Variants in CDK5RAP2 observed in about 807,000 individuals in gnomAD.
CDK5RAP2 encodes CDK5 regulatory subunit associated protein 2, also known as CDK5 regulatory subunit-associated protein 2.
Under a neutral mutation model 232.9 loss-of-function variants are expected in CDK5RAP2, and 147 were observed. The ratio of observed to expected loss-of-function variants is 0.63; its 90% confidence interval spans 0.55 to 0.72. The LOEUF (loss-of-function observed/expected upper bound fraction) is 0.72, where lower values mean the gene tolerates loss of function less well. CDK5RAP2 is among the 30% of genes least tolerant of loss of function. The probability of loss-of-function intolerance (pLI) is 0.00; values close to 1 mark genes in which losing one functional copy is unlikely to be tolerated. For missense variants in CDK5RAP2, 2,195 were observed against 2,231.5 expected, an observed-to-expected ratio of 0.98 and a Z score of 0.33; for synonymous variants, 833 against 833.7, an observed-to-expected ratio of 1.00 and a Z score of 0.01.
chr9:120,571,812 G>A, intron 2 of CDK5RAP2, 162 bp downstream of exon 2: 3 of 682,752 alleles, frequency 4.4e-6, no homozygotes. Flanking sequence ...ATGAAAGGAG[G>A]TGGAAAGCAA....
chr9:120,425,863 C>T (rs1343236344), intron 25 of CDK5RAP2, among the ~76,000 whole-genome samples: 1 of 152,244 alleles, frequency 6.6e-6, no homozygotes, highest in Non-Finnish European at 1.5e-5. Flanking sequence ...CCACCCTATC[C>T]TCAGTGAGTT....
intron 25 of CDK5RAP2, among the ~76,000 whole-genome samples, chr9:120,435,501 A>G (rs1442389500): frequency 2.7e-5 from 4 of 150,522 alleles, no homozygotes; most frequent in Non-Finnish European, 5.9e-5. Flanking sequence ...ACACACACAC[A>G]CGCCTGCTAA....
chr9:120,533,041 C>T (rs764175687), intron 7 of CDK5RAP2, among the ~76,000 whole-genome samples: 8 of 152,168 alleles, frequency 5.3e-5, no homozygotes, highest in Non-Finnish European at 1.0e-4. Flanking sequence ...CTAGGCAAAG[C>T]GTCCTCACCC....
rs372346893 is a variant in CDK5RAP2 at position 120,463,701 on chromosome 9, T to C, written c.2107-3034A>G. On this transcript the variant is annotated intron_variant, in intron 18 of 37. Coordinates refer to ENST00000349780, the MANE Select transcript of CDK5RAP2 (RefSeq NM_018249.6). ...TGAAAAGCGTCAAAGTTATTCTGCA[T>C]TTCCAGAACCACAACCATGCCAATG... 4.6e-5 allele frequency among the ~76,000 whole-genome samples: 7 copies of C among 152,362 alleles called. 1 individual carries two copies. The highest frequency in any genetic ancestry group is 6.5e-5 in the Admixed American group (1 of 15,308).
At chr9:120,480,430 A>G (rs561920388) in intron 14 of CDK5RAP2, among the ~76,000 whole-genome samples, 39 of 152,224 alleles carry the variant, frequency 2.6e-4, no homozygotes, top group Non-Finnish European at 4.9e-4. Context: ...TGACTTTGTC[A>G]TCAAAAGAAA....
chr9:120,409,352 C>T, intron 29 of CDK5RAP2, 36 bp from the exon 30 acceptor site: 1 of 1,501,106 alleles, frequency 6.7e-7, no homozygotes, highest in Non-Finnish European at 9.1e-7. Context: ...AGAAGGGCCA[C>T]CATTTGTTTT....
At chr9:120,436,929 C>T (rs1172204429) in intron 25 of CDK5RAP2, among the ~76,000 whole-genome samples, 1 of 150,298 alleles carries the variant, frequency 6.7e-6, no homozygotes, top group Non-Finnish European at 1.5e-5. Flanking sequence ...TGAGTTTTCA[C>T]AAAAAAAAAT....
At chr9:120,479,568 G>A (rs558576077) in intron 14 of CDK5RAP2, among the ~76,000 whole-genome samples, 28 of 152,276 alleles carry the variant, frequency 1.8e-4, no homozygotes, top group Non-Finnish European at 3.7e-4. Context: ...ACATAGCATC[G>A]CTACTGTGAT....
At position 120,453,594 on chromosome 9, in the gene CDK5RAP2, G is replaced by C. The variant is rs112600265; in HGVS notation, c.2655C>G (p.Phe885Leu). ...AAGCCTCTCTTGTTGCTTCATGCTT[G>C]AATCTCAGCAGGTCGCCCTCCGTGG... Reference protein sequence around the residue: ...TVATEGDLLRFKHEATREAWE... With the variant: ...TVATEGDLLRLKHEATREAWE... The change falls in exon 21 of 38, where the codon TTC becomes TTG. Residue 885 changes from phenylalanine (F) to leucine (L), a missense_variant. Transcript: ENST00000349780. 7,765 of 1,614,184 alleles carry C rather than the reference G, an allele frequency of 4.8e-3. 29 individuals are homozygous for C. Among genetic ancestry groups the C allele is most frequent in the Non-Finnish European group, 5.7e-3 (6,706 of 1,180,036 alleles).
intron 13 of CDK5RAP2, among the ~76,000 whole-genome samples, chr9:120,490,336 C>T (rs1178616566): frequency 6.6e-6 from 1 of 152,228 alleles, no homozygotes; most frequent in Non-Finnish European, 1.5e-5. Context: ...GGCATGCACA[C>T]TTCCACTCCC....
chr9:120,406,697 G>T (rs1450989383), intron 32 of CDK5RAP2: 1 of 372,430 alleles, frequency 2.7e-6, no homozygotes, highest in Non-Finnish European at 4.9e-6. Flanking sequence ...GAAACTAAAA[G>T]AAATTTCAGC....
chr9:120,452,386 G>A (rs1052189224), intron 21 of CDK5RAP2, among the ~76,000 whole-genome samples: 9 of 151,932 alleles, frequency 5.9e-5, no homozygotes, highest in African/African-American at 9.7e-5. Context: ...TTTTGTATGC[G>A]CAAAAGCAGT....
At chr9:120,494,983 GC>G (rs2039105827) in intron 12 of CDK5RAP2, among the ~76,000 whole-genome samples, 1 of 131,360 alleles carries the variant, frequency 7.6e-6, no homozygotes, top group African/African-American at 3.2e-5. Context: ...CCGCCCGACC[GC>G]CGGGAGGATG....
intron 12 of CDK5RAP2, among the ~76,000 whole-genome samples, chr9:120,494,425 C>T (rs2039057454): frequency 6.6e-6 from 1 of 152,080 alleles, no homozygotes; most frequent in Non-Finnish European, 1.5e-5. Context: ...ATCTTGTGCT[C>T]CTAGAAAGCA....
chr9:120,424,979 G>A (rs1370144646), intron 25 of CDK5RAP2, among the ~76,000 whole-genome samples: 2 of 152,134 alleles, frequency 1.3e-5, no homozygotes, highest in African/African-American at 4.8e-5. Context: ...TTACAGGCGT[G>A]AGCCACTGCA....
chr9:120,537,358 T>C (rs1440344427), intron 6 of CDK5RAP2, among the ~76,000 whole-genome samples: 3 of 152,152 alleles, frequency 2.0e-5, no homozygotes, highest in East Asian at 3.8e-4. Flanking sequence ...AAAAAAATGT[T>C]GGCTCCCTCC....
intron 15 of CDK5RAP2, among the ~76,000 whole-genome samples, chr9:120,474,934 G>A (rs1176541259): frequency 1.3e-5 from 2 of 152,154 alleles, no homozygotes; most frequent in African/African-American, 2.4e-5. Flanking sequence ...GCCAAGGTCT[G>A]AGGATTCAAA....
At chr9:120,426,498 C>A (rs1379134022) in intron 25 of CDK5RAP2, among the ~76,000 whole-genome samples, 1 of 152,128 alleles carries the variant, frequency 6.6e-6, no homozygotes, top group Non-Finnish European at 1.5e-5. Context: ...TATCTAAAGA[C>A]CTGGAATTAA....
intron 17 of CDK5RAP2, 23 bp from the exon 18 acceptor site, chr9:120,468,020 A>G: frequency 6.2e-7 from 1 of 1,613,052 alleles, no homozygotes; most frequent in Non-Finnish European, 8.5e-7. Context: ...AACAGGGAAA[A>G]GGCTGTCTAC....
Sources: allele counts gnomAD v4.1 joint callset (sites outside exome capture counted in the v4.1 genomes callset), GRCh38; gene constraint gnomAD v4.1.1; transcripts MANE v1.5; gene names NCBI Gene and HGNC (gene_info 2026-07-23, HGNC 2026-07-21).